STK32B: variants seen among roughly 807,000 people sequenced by gnomAD.
The protein encoded by STK32B is serine/threonine-protein kinase 32B.
In STK32B, 43 loss-of-function variants were observed where a neutral mutation model predicts 52.6. The ratio of observed to expected loss-of-function variants is 0.82; its 90% confidence interval spans 0.64 to 1.05. The LOEUF (loss-of-function observed/expected upper bound fraction) is 1.05, where lower values mean the gene tolerates loss of function less well. STK32B is among the 50% of genes least tolerant of loss of function. STK32B has a pLI of 0.00. For missense variants in STK32B, 621 were observed against 534.6 expected, an observed-to-expected ratio of 1.16 and a Z score of -1.59; for synonymous variants, 238 against 204.3, an observed-to-expected ratio of 1.17 and a Z score of -1.41.
chr4:5,191,138 C>G (rs1560210908), intron 3 of STK32B, among the ~76,000 whole-genome samples: 2 of 152,130 alleles, frequency 1.3e-5, no homozygotes, highest in Non-Finnish European at 1.5e-5. Flanking sequence ...ACCTTAAACT[C>G]TGGTTTTCCC....
chr4:5,041,407 G>A, the STK32B span, among the ~76,000 whole-genome samples: 1 of 152,132 alleles, frequency 6.6e-6, no homozygotes, highest in East Asian at 1.9e-4. Context: ...CCTTCCTTCT[G>A]ACCCAGCCTG....
chr4:5,417,000 C>CAGCGGG, intron 6 of STK32B, 66 bp downstream of exon 6: 1 of 1,422,478 alleles, frequency 7.0e-7, no homozygotes, highest in Non-Finnish European at 9.7e-7. Flanking sequence ...GCATCCTTCT[C>CAGCGGG]TTGTTTCATC....
chr4:5,423,062 G>C (rs2109080120), intron 6 of STK32B, among the ~76,000 whole-genome samples: 1 of 152,304 alleles, frequency 6.6e-6, no homozygotes, highest in East Asian at 1.9e-4. Flanking sequence ...CAAAGCACAG[G>C]AGTCTTGAAT....
Position 5,139,864 on chromosome 4 carries a change from T to G in STK32B, c.53-41T>G, listed in dbSNP as rs371895661. The G allele has an allele frequency of 1.9e-6, 3 of 1,613,246 alleles. No individual in the cohort carries two copies. In the African/African-American group the frequency reaches 4.0e-5, roughly 22 times the overall value. ...GATATTCAAGGAGCAATACCAGGTT[T>G]AGCAAATCTGACTTGTTTCCTTTTT... On this transcript the variant is annotated intron_variant, in intron 1 of 11. Transcript: ENST00000282908.
At chr4:5,419,487 A>G (rs906849478) in intron 6 of STK32B, among the ~76,000 whole-genome samples, 2 of 152,150 alleles carry the variant, frequency 1.3e-5, no homozygotes, top group Non-Finnish European at 2.9e-5. Context: ...AGCCCTTTCA[A>G]TGCCCCTGAT....
intron 3 of STK32B, among the ~76,000 whole-genome samples, chr4:5,298,626 GC>G (rs1258485828): frequency 6.6e-6 from 1 of 152,118 alleles, no homozygotes; most frequent in East Asian, 1.9e-4. Flanking sequence ...AATGGCAGGT[GC>G]CCCTCCCCAC....
At chr4:5,162,015 A>G (rs1718487829) in intron 2 of STK32B, among the ~76,000 whole-genome samples, 1 of 152,164 alleles carries the variant, frequency 6.6e-6, no homozygotes, top group Admixed American at 6.5e-5. Flanking sequence ...TGTCTGCCTC[A>G]GGTCCCGTTG....
chr4:5,262,107 C>G (rs1726748492), intron 3 of STK32B, among the ~76,000 whole-genome samples: 1 of 152,060 alleles, frequency 6.6e-6, no homozygotes, highest in South Asian at 2.1e-4. Context: ...ACAGTTTCCT[C>G]CCCATGTTTG....
chr4:5,476,093 T>C (rs1352028360), intron 11 of STK32B, among the ~76,000 whole-genome samples: 2 of 151,812 alleles, frequency 1.3e-5, no homozygotes, highest in African/African-American at 2.4e-5. Flanking sequence ...AGAGATGGGG[T>C]TTCGCCACGT....
chr4:5,446,655 T>G lies in STK32B; in HGVS notation c.563-18T>G. ...ACTGGGATACACAATGATGTTCTCC[T>G]TGTCCTCTCGTTGGCAGCTCCAGAA... is the stretch of plus-strand genomic sequence containing the variant. On this transcript the variant is annotated intron_variant, in intron 6 of 11. Coordinates refer to ENST00000282908, the MANE Select transcript of STK32B (RefSeq NM_018401.3). 6.2e-7 allele frequency: 1 copy of G among 1,612,124 alleles called. No individual in the cohort carries two copies. The highest frequency in any genetic ancestry group is 8.5e-7 in the Non-Finnish European group (1 of 1,178,430).
intron 3 of STK32B, among the ~76,000 whole-genome samples, chr4:5,246,366 G>A (rs906523488): frequency 3.9e-5 from 6 of 152,040 alleles, no homozygotes; most frequent in African/African-American, 1.4e-4. Flanking sequence ...TGATCGCATT[G>A]GTTACTGAGG....
chr4:5,044,585 C>T, the STK32B span, among the ~76,000 whole-genome samples: 1 of 152,170 alleles, frequency 6.6e-6, no homozygotes, highest in African/African-American at 2.4e-5. Flanking sequence ...ACCAGGAAAT[C>T]CGTTTAGGTT....
intron 4 of STK32B, among the ~76,000 whole-genome samples, chr4:5,366,067 C>A (rs900558378): frequency 1.3e-5 from 2 of 151,858 alleles, no homozygotes; most frequent in Non-Finnish European, 2.9e-5. Flanking sequence ...AACCTACTTA[C>A]AAAAGAAACT....
intron 11 of STK32B, 128 bp from the exon 12 acceptor site, chr4:5,498,817 A>C (rs1161895765): frequency 7.4e-7 from 1 of 1,351,074 alleles, no homozygotes; most frequent in Non-Finnish European, 9.8e-7. Context: ...CTTAATGATC[A>C]ATCTTCCCAG....
chr4:5,491,919 T>C (rs1719767057), intron 11 of STK32B, among the ~76,000 whole-genome samples: 1 of 152,184 alleles, frequency 6.6e-6, no homozygotes, highest in Admixed American at 6.5e-5. Context: ...GAGGGCTCTG[T>C]TGTGTTCCAT....
At chr4:5,443,388 G>A (rs901942747) in intron 6 of STK32B, among the ~76,000 whole-genome samples, 4 of 151,754 alleles carry the variant, frequency 2.6e-5, no homozygotes, top group African/African-American at 9.7e-5. Context: ...TTTTCCAGTT[G>A]ATCGCATCGG....
chr4:5,379,325 C>A (rs1200727672), intron 4 of STK32B, among the ~76,000 whole-genome samples: 1 of 152,124 alleles, frequency 6.6e-6, no homozygotes, highest in African/African-American at 2.4e-5. Context: ...CACTCTCCAG[C>A]AGCCTTGTCT....
At chr4:5,206,619 A>G (rs1722592736) in intron 3 of STK32B, among the ~76,000 whole-genome samples, 1 of 152,156 alleles carries the variant, frequency 6.6e-6, no homozygotes, top group Non-Finnish European at 1.5e-5. Context: ...GAAATGACGA[A>G]TGATGAGTCA....
At chr4:5,322,297 A>G (rs1731556778) in intron 3 of STK32B, among the ~76,000 whole-genome samples, 1 of 152,060 alleles carries the variant, frequency 6.6e-6, no homozygotes, top group Non-Finnish European at 1.5e-5. Flanking sequence ...CCATTGTTGG[A>G]TTTCTGTAGC....
Sources: gnomAD v4.1 joint callset for allele counts (sites outside exome capture counted in the v4.1 genomes callset) on GRCh38, gnomAD v4.1.1 for gene constraint, MANE v1.5 for transcripts, NCBI Gene and HGNC (gene_info 2026-07-23, HGNC 2026-07-21) for gene names.